SKAP1: variants seen among roughly 807,000 people sequenced by gnomAD.
SKAP1 encodes the protein src kinase-associated phosphoprotein 1.
Under a neutral mutation model 58.5 loss-of-function variants are expected in SKAP1, and 44 were observed. That is an observed-to-expected ratio of 0.75 (90% CI 0.59 to 0.97). The LOEUF (loss-of-function observed/expected upper bound fraction) is 0.97. SKAP1 is among the 50% of genes least tolerant of loss of function. The pLI is 0.00. For missense variants in SKAP1, 390 were observed against 435.2 expected (o/e 0.90, Z 0.92); for synonymous variants, 127 against 149.7 (o/e 0.85, Z 1.11).
chr17:48,378,637 T>A (rs1408246265), intron 2 of SKAP1, among the ~76,000 whole-genome samples: 1 of 152,062 alleles, frequency 6.6e-6, no homozygotes, highest in Non-Finnish European at 1.5e-5. Context: ...CATGCCTCCT[T>A]CTTCTCCTAG....
intron 3 of SKAP1, among the ~76,000 whole-genome samples, chr17:48,363,238 TG>T (rs1193766200): frequency 6.6e-6 from 1 of 152,026 alleles, no homozygotes. Flanking sequence ...AGGAAAACAA[TG>T]GTTTGAAAGC....
intron 2 of SKAP1, among the ~76,000 whole-genome samples, chr17:48,378,209 C>T (rs541899109): frequency 9.2e-5 from 14 of 152,314 alleles, no homozygotes; most frequent in African/African-American, 2.9e-4. Context: ...ATCCTCCTCC[C>T]TTTGACCTAC....
intron 4 of SKAP1, among the ~76,000 whole-genome samples, chr17:48,218,426 TATCAAAGTCCTCATCACTTA>T (rs916613416): frequency 7.2e-5 from 11 of 152,222 alleles, no homozygotes; most frequent in Non-Finnish European, 1.0e-4. Context: ...AACCTCTAGT[TATCAAAGTCCTCATCACTTA>T]ATCAATTCTA....
chr17:48,139,868 C>A (rs1435375506), intron 11 of SKAP1, among the ~76,000 whole-genome samples: 1 of 152,120 alleles, frequency 6.6e-6, no homozygotes, highest in Non-Finnish European at 1.5e-5. Flanking sequence ...CGGGGAAGCA[C>A]CCCTCCCCTG....
At chr17:48,207,383 G>A (rs1316445606) in intron 4 of SKAP1, among the ~76,000 whole-genome samples, 1 of 151,656 alleles carries the variant, frequency 6.6e-6, no homozygotes, top group Non-Finnish European at 1.5e-5. Context: ...CTACTCAGGA[G>A]GCTGAGGCAC....
At chr17:48,286,919 A>T (rs2065836953) in intron 4 of SKAP1, among the ~76,000 whole-genome samples, 1 of 152,096 alleles carries the variant, frequency 6.6e-6, no homozygotes, top group South Asian at 2.1e-4. Context: ...AACATAGTGA[A>T]ACCCTGTCTC....
the SKAP1 span, among the ~76,000 whole-genome samples, chr17:48,443,409 G>T: frequency 6.6e-6 from 1 of 152,188 alleles, no homozygotes; most frequent in East Asian, 1.9e-4. Context: ...TATGCTTGGT[G>T]TATAGTAGGT....
chr17:48,405,437 CTTT>C lies in SKAP1; in HGVS notation c.47-8655_47-8653del, dbSNP rs1567902147. 9.3e-3 allele frequency among the ~76,000 whole-genome samples: 742 copies of C among 80,154 alleles called. 8 individuals are homozygous for C. The highest frequency in any genetic ancestry group is 0.012 in the Non-Finnish European group (485 of 39,710). The allele number at this position is 80,154 out of a possible 152,430, so 52.6% of individuals were successfully genotyped here. A position where few individuals can be genotyped will look rare whatever the true frequency, so the allele number is the denominator to read the frequency against. The stretch of plus-strand genomic sequence containing the variant: ...TCTTTCTTTCTTTCTTTCTTTCTTT[CTTT>C]CTTTCTTTCTTTTCTTTCTTTCTTT... On this transcript the variant is annotated intron_variant, in intron 1 of 12. Coordinates refer to ENST00000336915, the MANE Select transcript of SKAP1 (RefSeq NM_003726.4).
At chr17:48,187,741 G>T in intron 6 of SKAP1, 102 bp downstream of exon 6, 1 of 737,146 alleles carries the variant, frequency 1.4e-6, no homozygotes. Flanking sequence ...CCCTTTATGG[G>T]TGTTAGTTAA....
At chr17:48,366,771 C>A (rs1327348491) in intron 2 of SKAP1, among the ~76,000 whole-genome samples, 1 of 152,128 alleles carries the variant, frequency 6.6e-6, no homozygotes, top group Non-Finnish European at 1.5e-5. Flanking sequence ...ACTTCCCTAA[C>A]CCCCAATTCC....
At chr17:48,415,469 A>G (rs1331476588) in intron 1 of SKAP1, among the ~76,000 whole-genome samples, 2 of 152,124 alleles carry the variant, frequency 1.3e-5, no homozygotes, top group African/African-American at 4.8e-5. Flanking sequence ...TTCTCGTTTT[A>G]CTTCATCAGC....
chr17:48,155,445 A>C (rs1477296625), intron 11 of SKAP1, among the ~76,000 whole-genome samples: 1 of 152,084 alleles, frequency 6.6e-6, no homozygotes, highest in Non-Finnish European at 1.5e-5. Flanking sequence ...TTTGGAAAGA[A>C]TGTTCCCTAG....
chr17:48,299,968 G>A (rs1291112095), intron 4 of SKAP1, among the ~76,000 whole-genome samples: 2 of 152,188 alleles, frequency 1.3e-5, no homozygotes, highest in Non-Finnish European at 2.9e-5. Flanking sequence ...TAGGAGGTAA[G>A]ATGAAAGGTA....
intron 11 of SKAP1, among the ~76,000 whole-genome samples, chr17:48,141,694 C>A (rs1448596963): frequency 6.6e-6 from 1 of 152,114 alleles, no homozygotes; most frequent in Non-Finnish European, 1.5e-5. Context: ...AACTTCTTAA[C>A]AAAGTAGACA....
chr17:48,373,181 A>G (rs1056311010), intron 2 of SKAP1, among the ~76,000 whole-genome samples: 2 of 152,200 alleles, frequency 1.3e-5, no homozygotes, highest in African/African-American at 4.8e-5. Flanking sequence ...CAGGAAACTT[A>G]AAACCATGGT....
rs2067616761 is a variant in SKAP1, at chr17:48,408,378, A to T, written c.47-11593T>A. On this transcript the variant is annotated intron_variant, in intron 1 of 12. Coordinates refer to ENST00000336915, the MANE Select transcript of SKAP1 (RefSeq NM_003726.4). ...AGTTCAAGTTTAGATAGTTTTATAC[A>T]TGTCTTTCAAACCTTTGAGTAATAA... 2.0e-5 allele frequency among the ~76,000 whole-genome samples: 3 copies of T among 152,334 alleles called. No individual in the cohort carries two copies. In the South Asian group the frequency reaches 6.2e-4, roughly 32 times the overall value.
Position 48,271,677 on chromosome 17 carries a change from A to AT in SKAP1, c.280+74227dup, listed in dbSNP as rs981209347. On this transcript the variant is annotated intron_variant, in intron 4 of 12. Transcript: ENST00000336915. ...GCACCTGGACTATTCTTGTTTCTTG[A>AT]TTTTTTTTCTCTATTCAGTGATTTT... Among the ~76,000 whole-genome samples the AT allele has an allele frequency of 1.4e-4, 21 of 151,540 alleles. 1 individual carries two copies. The highest frequency in any genetic ancestry group is 4.4e-4 in the African/African-American group (18 of 41,324).
At chr17:48,437,340 A>C in the SKAP1 span, among the ~76,000 whole-genome samples, 1 of 152,218 alleles carries the variant, frequency 6.6e-6, no homozygotes, top group East Asian at 1.9e-4. Flanking sequence ...GCAAAGCTCC[A>C]TGAGCCTCAG....
chr17:48,433,832 G>A (rs1302911852), upstream of SKAP1, among the ~76,000 whole-genome samples: 1 of 152,152 alleles, frequency 6.6e-6, no homozygotes, highest in Admixed American at 6.5e-5. Flanking sequence ...GAGCTTCTTG[G>A]GAATGCTGTC....
Sources: allele counts gnomAD v4.1 joint callset (sites outside exome capture counted in the v4.1 genomes callset), GRCh38; gene constraint gnomAD v4.1.1; transcripts MANE v1.5; gene names NCBI Gene and HGNC (gene_info 2026-07-23, HGNC 2026-07-21).